The following CHST4 variants were observed in gnomAD, a reference collection of about 807,000 sequenced individuals.
The protein encoded by CHST4 is GST-3.
For synonymous variants in CHST4, 171 were observed against 195.5 expected, an observed-to-expected ratio of 0.87 and a Z score of 1.05; for missense variants, 466 against 506.0, an observed-to-expected ratio of 0.92 and a Z score of 0.76.
At position 71,529,543 on chromosome 16, in the gene CHST4, A is replaced by ATTTTTTTTTTT. The variant is rs1157747412; in HGVS notation, c.-19+3069_-19+3079dup. On this transcript the variant is annotated intron_variant, in intron 1 of 1. Coordinates refer to ENST00000539698, the MANE Select transcript of CHST4 (RefSeq NM_001166395.2). ...ACTGTGCCTCTTCCCATGCTCATCT[A>ATTTTTTTTTTT]TTTTTTTTTTTTTTTTTTTTTTTTT... 9.7e-5 allele frequency among the ~76,000 whole-genome samples: 4 copies of ATTTTTTTTTTT among 41,328 alleles called. 2 individuals are homozygous for ATTTTTTTTTTT. The highest frequency in any genetic ancestry group is 1.9e-4 in the African/African-American group (2 of 10,340). The allele number at this position is 41,328 out of a possible 152,430, so 27.1% of individuals were successfully genotyped here.
In CHST4 at chr16:71,537,483, A is replaced by C. The variant is rs2044000762; in HGVS notation, c.806A>C (p.Glu269Ala). The C allele has an allele frequency of 1.2e-6, 2 of 1,614,220 alleles. No individual in the cohort carries two copies. The highest frequency in any genetic ancestry group is 2.7e-5 in the African/African-American group (2 of 75,064). ...CAGTCCTTGCCCAAGGCCCTGCAGG[A>C]ACGCTACCTGCTTGTGCGCTATGAG... is the stretch of plus-strand genomic sequence containing the variant. Reference protein sequence around the residue: ...TIQSLPKALQERYLLVRYEDL... With the variant: ...TIQSLPKALQARYLLVRYEDL... Residue 269 changes from glutamate to alanine, a missense_variant, in exon 2 of 2, where the codon GAA becomes GCA. Transcript: ENST00000539698. This position sits in a 1 kb window ranked among gnomAD's most constrained non-coding sequence, Gnocchi z 4.2.
chr16:71,526,162 G>A (rs1364020448), upstream of CHST4: 1 of 152,174 alleles, frequency 6.6e-6, no homozygotes, highest in Non-Finnish European at 1.5e-5. Flanking sequence ...CAACATGCCA[G>A]GATGCCTCCA....
intron 1 of CHST4, among the ~76,000 whole-genome samples, chr16:71,532,122 A>G (rs2043953328): frequency 7.0e-6 from 1 of 143,132 alleles, no homozygotes; most frequent in African/African-American, 2.6e-5. Context: ...ATCTCGGCTC[A>G]CTGCAAGCTC....
At chr16:71,533,187 G>A (rs1275194953) in intron 1 of CHST4, among the ~76,000 whole-genome samples, 1 of 152,146 alleles carries the variant, frequency 6.6e-6, no homozygotes, top group Non-Finnish European at 1.5e-5. Context: ...CACTTTGGGA[G>A]GCTGAGGCGG....
intron 1 of CHST4, among the ~76,000 whole-genome samples, chr16:71,531,079 T>A (rs756087652): frequency 1.3e-5 from 2 of 151,556 alleles, no homozygotes; most frequent in Admixed American, 1.3e-4. Flanking sequence ...AATAGTAATT[T>A]AAAAAAAATG....
Position 71,529,873 on chromosome 16 carries a change from C to T in CHST4, c.-19+3378C>T, listed in dbSNP as rs200070197. 2.6e-4 allele frequency among the ~76,000 whole-genome samples: 40 copies of T among 152,268 alleles called. No individual in the cohort carries two copies. The East Asian group carries it at 7.1e-3, about 27-fold the overall frequency. ...AAATTAATCTCAAGAGGGGGCTGGG[C>T]GCGGTGCTTCACACCTGTGATCCCA... On this transcript the variant is annotated intron_variant, in intron 1 of 1. Coordinates refer to ENST00000539698, the MANE Select transcript of CHST4 (RefSeq NM_001166395.2).
At position 71,536,270 on chromosome 16, in the gene CHST4, C is replaced by T. The variant is rs574587307; in HGVS notation, c.-18-390C>T. Among the ~76,000 whole-genome samples the T allele has an allele frequency of 2.0e-5, 3 of 152,278 alleles. No homozygotes were observed. The South Asian group carries it at 6.2e-4, about 32-fold the overall frequency. On this transcript the variant is annotated intron_variant, in intron 1 of 1. Transcript: ENST00000539698. ...GGAATCACAAGCCATTCCTCCAAGA[C>T]TTGAGTCAGACTGAGGTGACGCCTC...
chr16:71,529,726 T>A (rs531872538), intron 1 of CHST4, among the ~76,000 whole-genome samples: 1 of 152,178 alleles, frequency 6.6e-6, no homozygotes, highest in East Asian at 1.9e-4. Flanking sequence ...AATTGTTATG[T>A]ACGTGTAAGT....
At chr16:71,529,433 A>AGAGT (rs2043931361) in intron 1 of CHST4, among the ~76,000 whole-genome samples, 1 of 151,774 alleles carries the variant, frequency 6.6e-6, no homozygotes, top group Non-Finnish European at 1.5e-5. Flanking sequence ...CTGATGCTGA[A>AGAGT]GAGTGTCCGT....
At chr16:71,526,413 G>A (rs1204312888), upstream of CHST4, 1 of 152,478 alleles carries the variant, frequency 6.6e-6, no homozygotes, top group African/African-American at 2.4e-5. Flanking sequence ...GCCAAGAGGG[G>A]AGTTGGTGAG....
intron 1 of CHST4, among the ~76,000 whole-genome samples, chr16:71,532,975 A>G (rs546341135): frequency 6.6e-6 from 1 of 152,332 alleles, no homozygotes; most frequent in African/African-American, 2.4e-5. Context: ...GCTCCCTAAG[A>G]CATATTGACA....
At chr16:71,536,571 A>G in intron 1 of CHST4, 89 bp from the exon 2 acceptor site, 10 of 922,940 alleles carry the variant, frequency 1.1e-5, no homozygotes, top group Non-Finnish European at 1.5e-5. Context: ...GTAGGGGGTC[A>G]GAGAGCAGGT....
rs149736644 is a variant in CHST4, at chr16:71,533,090, G to A, written c.-18-3570G>A. Among the ~76,000 whole-genome samples the A allele has an allele frequency of 2.6e-4, 39 of 151,844 alleles. No individual in the cohort carries two copies. In the East Asian group the frequency reaches 7.2e-3, roughly 28 times the overall value. On this transcript the variant is annotated intron_variant, in intron 1 of 1. Transcript: ENST00000539698. ...ATTAAGAACACATACACATTTGAAT[G>A]TTCTTGTGTACACATAAAGCAACTG...
rs754861106 is a variant in CHST4 at position 71,536,813 on chromosome 16, C to A, written c.136C>A (p.Leu46Met). ...MKAQPERMHVLVLSSWRSGSS... is the reference protein window; with the variant it reads ...MKAQPERMHVMVLSSWRSGSS... ...GGCACAGCCCGAGCGCATGCACGTG[C>A]TGGTTCTGTCTTCCTGGCGCTCTGG... Residue 46 changes from leucine to methionine, a missense_variant, in exon 2 of 2, where the codon CTG becomes ATG. Leu to Met is a conservative substitution (Grantham distance 15, BLOSUM62 2). Transcript: ENST00000539698. 38 of 1,534,314 alleles carry A rather than the reference C, an allele frequency of 2.5e-5. No homozygotes were observed. The highest frequency in any genetic ancestry group is 3.1e-5 in the Non-Finnish European group (35 of 1,141,326).
chr16:71,536,546 C>T (rs2043989457), intron 1 of CHST4, 114 bp from the exon 2 acceptor site: 1 of 624,088 alleles, frequency 1.6e-6, no homozygotes, highest in East Asian at 3.1e-5. Context: ...CTCTGGCTTT[C>T]CATGTTGCTC....
rs1310428390 is a variant in CHST4 at position 71,527,567 on chromosome 16, C to T, written c.-19+1072C>T. The stretch of plus-strand genomic sequence containing the variant: ...TTCAAGACCAGCCCGGCCAACATGG[C>T]GAAACCCTGTCTGTACTAAAAATAC... On this transcript the variant is annotated intron_variant, in intron 1 of 1. Coordinates refer to ENST00000539698, the MANE Select transcript of CHST4 (RefSeq NM_001166395.2). Among the ~76,000 whole-genome samples, 7 of 152,124 alleles carry T rather than the reference C, an allele frequency of 4.6e-5. 1 individual carries two copies. The highest frequency in any genetic ancestry group is 1.9e-4 in the East Asian group (1 of 5,138).
Position 71,537,882 on chromosome 16 carries a change from C to A in CHST4, c.*44C>A. ...GCTGCCACCTGGTGTCAGCCTCAGT[C>A]ACTTTCTCTGAATGCTTCTGAGCCT... On this transcript the variant is annotated 3_prime_UTR_variant, in exon 2 of 2. Transcript: ENST00000539698. This position sits in a 1 kb window ranked among gnomAD's most constrained non-coding sequence, Gnocchi z 4.2. The A allele has an allele frequency of 6.5e-7, 1 of 1,540,566 alleles. No individual in the cohort carries two copies. Among genetic ancestry groups the A allele is most frequent in the Non-Finnish European group, 8.8e-7 (1 of 1,136,088 alleles).
chr16:71,528,787 C>T (rs996769478), intron 1 of CHST4, among the ~76,000 whole-genome samples: 8 of 152,148 alleles, frequency 5.3e-5, no homozygotes, highest in Non-Finnish European at 1.2e-4. Flanking sequence ...CAGAATTTCC[C>T]ATTTTGTCTC....
intron 1 of CHST4, among the ~76,000 whole-genome samples, chr16:71,532,464 G>T (rs1350961705): frequency 1.3e-5 from 2 of 152,160 alleles, no homozygotes; most frequent in Non-Finnish European, 2.9e-5. Flanking sequence ...GATCCTCATT[G>T]GATCTTTTTG....
Sources: allele counts gnomAD v4.1 joint callset (sites outside exome capture counted in the v4.1 genomes callset), GRCh38; gene constraint gnomAD v4.1.1; non-coding constraint Gnocchi (gnomAD v3.1); transcripts MANE v1.5; gene names NCBI Gene and HGNC (gene_info 2026-07-23, HGNC 2026-07-21).